Variants in NRG4 observed in about 807,000 individuals in gnomAD.
NRG4 encodes pro-neuregulin-4, membrane-bound isoform.
In NRG4, 10 loss-of-function variants were observed where a neutral mutation model predicts 15.0. The observed-to-expected ratio is 0.67, with a 90% confidence interval of 0.41 to 1.13. NRG4 has a LOEUF of 1.13. Among genes scored for constraint, NRG4 ranks in the 50% most tolerant of loss-of-function variants. NRG4 has a pLI of 0.00. For missense variants in NRG4, 139 were observed against 140.2 expected (o/e 0.99, Z 0.04); for synonymous variants, 41 against 50.1 (o/e 0.82, Z 0.77).
chr15:76,001,890 C>A (rs2034429326), intron 3 of NRG4, among the ~76,000 whole-genome samples: 1 of 152,150 alleles, frequency 6.6e-6, no homozygotes, highest in Non-Finnish European at 1.5e-5. Flanking sequence ...CTCCTCCCAG[C>A]CAGATTTTTG....
chr15:76,001,202 A>G (rs1449625519), intron 3 of NRG4, among the ~76,000 whole-genome samples: 1 of 152,028 alleles, frequency 6.6e-6, no homozygotes, highest in Non-Finnish European at 1.5e-5. Flanking sequence ...TATGTTGTCC[A>G]GGCTGGTCTC....
chr15:75,967,755 C>T (rs2032886127), intron 3 of NRG4, among the ~76,000 whole-genome samples: 1 of 152,104 alleles, frequency 6.6e-6, no homozygotes, highest in South Asian at 2.1e-4. Context: ...AGCCAACGTG[C>T]CTGGCCGCAA....
At chr15:75,981,094 C>G (rs543080430) in intron 3 of NRG4, among the ~76,000 whole-genome samples, 1 of 152,292 alleles carries the variant, frequency 6.6e-6, no homozygotes, top group South Asian at 2.1e-4. Context: ...GTGCTGGGGT[C>G]TATTTCCCCT....
chr15:76,016,736 G>A (rs750029125), upstream of NRG4, among the ~76,000 whole-genome samples: 10 of 152,158 alleles, frequency 6.6e-5, no homozygotes, highest in Non-Finnish European at 1.3e-4. Context: ...ATTTGCTGAG[G>A]AGTATTTTAC....
At chr15:75,967,182 A>C (rs1000420963) in intron 3 of NRG4, among the ~76,000 whole-genome samples, 21 of 151,458 alleles carry the variant, frequency 1.4e-4, no homozygotes, top group African/African-American at 5.1e-4. Flanking sequence ...ATCCTATGAA[A>C]CCCCTACTAG....
At chr15:76,010,479 T>C (rs2034769372) in intron 2 of NRG4, among the ~76,000 whole-genome samples, 1 of 152,130 alleles carries the variant, frequency 6.6e-6, no homozygotes, top group South Asian at 2.1e-4. Flanking sequence ...AATCAGAATT[T>C]CAAATTTTAA....
chr15:75,938,481 T>C (rs536974038), downstream of NRG4: 7 of 152,226 alleles, frequency 4.6e-5, no homozygotes, highest in East Asian at 1.2e-3. Context: ...ACTAGACATA[T>C]ACTTTAACTC....
rs901388716 is a variant in NRG4 at position 75,943,274 on chromosome 15, C to A, written c.*364G>T. On this transcript the variant is annotated 3_prime_UTR_variant, in exon 6 of 6. Coordinates refer to ENST00000394907, the MANE Select transcript of NRG4 (RefSeq NM_138573.4). ...AAGCCACTAAGCCAGCTACTCCTTG[C>A]ATTTAAAGGGTTTTCATCCTTTTTC... 11 of 195,026 alleles carry A rather than the reference C, an allele frequency of 5.6e-5. No individual in the cohort carries two copies. Among genetic ancestry groups the A allele is most frequent in the Non-Finnish European group, 1.0e-4 (10 of 96,880 alleles). 12.1% of individuals were successfully genotyped at this position (195,026 alleles called of 1,614,324 possible).
chr15:76,047,137 G>C (rs2035886382), intron 4 of NRG4, among the ~76,000 whole-genome samples: 1 of 150,732 alleles, frequency 6.6e-6, no homozygotes, highest in Non-Finnish European at 1.5e-5. Context: ...TACTGGTGGG[G>C]ATGTAGAGAA....
intron 5 of NRG4, among the ~76,000 whole-genome samples, chr15:76,023,164 ACACACACACACACACACAC>A (rs2035210378): frequency 1.3e-5 from 2 of 150,040 alleles, no homozygotes; most frequent in South Asian, 2.1e-4. Flanking sequence ...ACACACACAC[ACACACACACACACACACAC>A]AAGCAAGGAC....
chr15:75,996,678 T>C (rs1397297291), intron 3 of NRG4, among the ~76,000 whole-genome samples: 1 of 152,180 alleles, frequency 6.6e-6, no homozygotes, highest in African/African-American at 2.4e-5. Flanking sequence ...ATCATTCGTC[T>C]ACATAATGAT....
At chr15:75,994,588 C>T (rs995533294) in intron 3 of NRG4, among the ~76,000 whole-genome samples, 1 of 152,128 alleles carries the variant, frequency 6.6e-6, no homozygotes, top group Non-Finnish European at 1.5e-5. Flanking sequence ...GAGGTATATG[C>T]GTATTTGATT....
intron 5 of NRG4, chr15:75,945,715 GCTGA>G (rs1299361313): frequency 1.3e-5 from 2 of 152,020 alleles, no homozygotes; most frequent in South Asian, 2.1e-4. Flanking sequence ...TCTCTTTCAG[GCTGA>G]CTGACTTTTT....
chr15:75,951,930 A>G (rs1460031941), intron 5 of NRG4, among the ~76,000 whole-genome samples: 1 of 152,154 alleles, frequency 6.6e-6, no homozygotes, highest in African/African-American at 2.4e-5. Context: ...CCATATTTCC[A>G]TCTGATATTG....
At position 75,992,839 on chromosome 15, in the gene NRG4, T is replaced by C. The variant is rs115011572; in HGVS notation, c.104+16361A>G. 2.0e-3 allele frequency among the ~76,000 whole-genome samples: 300 copies of C among 152,308 alleles called. 2 individuals carry two copies. Among genetic ancestry groups the C allele is most frequent in the African/African-American group, 6.6e-3 (275 of 41,566 alleles). On this transcript the variant is annotated intron_variant, in intron 3 of 5. Coordinates refer to ENST00000394907, the MANE Select transcript of NRG4 (RefSeq NM_138573.4). ...GGGTGATCTATGTTGTAGTAATATA[T>C]AACAGTACTTTATTGACAAATATTC...
chr15:76,059,846 G>A (rs1263521670), upstream of NRG4: 1 of 145,450 alleles, frequency 6.9e-6, no homozygotes, highest in Non-Finnish European at 1.5e-5. Flanking sequence ...GCGCGGGCTC[G>A]GCCAAGCCGC....
At chr15:76,048,335 G>A (rs1213261153) in intron 4 of NRG4, among the ~76,000 whole-genome samples, 1 of 149,754 alleles carries the variant, frequency 6.7e-6, no homozygotes, top group Non-Finnish European at 1.5e-5. Context: ...AGCCAGGTGT[G>A]GTGGTGCATG....
chr15:76,010,321 A>C (rs2034762758), intron 2 of NRG4, among the ~76,000 whole-genome samples: 1 of 152,120 alleles, frequency 6.6e-6, no homozygotes, highest in Non-Finnish European at 1.5e-5. Context: ...TCATCTAATC[A>C]GAATAAGAAA....
chr15:75,941,536 G>C lies in NRG4; in HGVS notation c.*2102C>G, dbSNP rs1419566279. 6.6e-6 allele frequency: 1 copy of C among 152,152 alleles called. No homozygotes were observed. Among genetic ancestry groups the C allele is most frequent in the Non-Finnish European group, 1.5e-5 (1 of 68,012 alleles). 9.4% of individuals were successfully genotyped at this position (152,152 alleles called of 1,614,324 possible). The stretch of plus-strand genomic sequence containing the variant: ...GTAGAAACAACCCAAATACCCAACA[G>C]ATGAATGGATAGACAAAATGTGTTA... On this transcript the variant is annotated 3_prime_UTR_variant, in exon 6 of 6. Coordinates refer to ENST00000394907, the MANE Select transcript of NRG4 (RefSeq NM_138573.4).
Sources: gnomAD v4.1 joint callset for allele counts (sites outside exome capture counted in the v4.1 genomes callset) on GRCh38, gnomAD v4.1.1 for gene constraint, MANE v1.5 for transcripts, NCBI Gene and HGNC (gene_info 2026-07-23, HGNC 2026-07-21) for gene names.